RDH12: variants seen among roughly 807,000 people sequenced by gnomAD.
RDH12 encodes the protein all-trans and 9-cis retinol dehydrogenase.
In RDH12, 21 loss-of-function variants were observed where a neutral mutation model predicts 34.0. The ratio of observed to expected loss-of-function variants is 0.62; its 90% CI spans 0.44 to 0.89. RDH12 has a LOEUF of 0.89. RDH12 is among the 40% of genes least tolerant of loss of function. RDH12 has a pLI of 0.00. For missense variants in RDH12, 394 were observed against 398.6 expected, an observed-to-expected ratio of 0.99 and a Z score of 0.10; for synonymous variants, 198 against 169.9, an observed-to-expected ratio of 1.17 and a Z score of -1.29.
chr14:67,717,473 G>C (rs910271406), intron 1 of RDH12, among the ~76,000 whole-genome samples: 1 of 152,226 alleles, frequency 6.6e-6, no homozygotes, highest in African/African-American at 2.4e-5. Flanking sequence ...AAGCAGGTTA[G>C]CTTGGCTACA....
rs185066610 is a variant in RDH12, at chr14:67,706,491, A to T, written c.-275+4556A>T. Among the ~76,000 whole-genome samples the T allele has an allele frequency of 9.5e-4, 145 of 152,352 alleles. 1 individual carries two copies. The highest frequency in any genetic ancestry group is 3.3e-3 in the African/African-American group (138 of 41,596). ...CACGGGACATCAATCAACATATGGA[A>T]AATGAACATCGGTTTGGTCTGGAAA... On this transcript the variant is annotated intron_variant, in intron 1 of 8. Transcript: ENST00000551171.
At position 67,722,655 on chromosome 14, in the gene RDH12, T is replaced by C. The variant is rs1240074757; in HGVS notation, c.13T>C (p.Leu5=). Residue 5 remains leucine (L), a synonymous_variant, in exon 3 of 9, where the codon TTG becomes CTG. Transcript: ENST00000551171. MLVT[L]GLLTSFFSFL... The stretch of plus-strand genomic sequence containing the variant: ...AGAAGTTGGAACGATGCTGGTCACC[T>C]TGGGACTGCTCACCTCCTTCTTCTC... 1 of 1,613,912 alleles carries C rather than the reference T, an allele frequency of 6.2e-7. No individual in the cohort carries two copies. Among genetic ancestry groups the C allele is most frequent in the South Asian group, 1.1e-5 (1 of 91,072 alleles).
intron 8 of RDH12, among the ~76,000 whole-genome samples, chr14:67,731,591 A>C (rs1180464028): frequency 1.3e-5 from 2 of 151,970 alleles, no homozygotes; most frequent in South Asian, 2.1e-4. Flanking sequence ...ATATGTAATA[A>C]AATATACAGT....
chr14:67,726,053 G>A lies in RDH12; in HGVS notation c.346G>A (p.Glu116Lys). The A allele has an allele frequency of 6.2e-7, 1 of 1,611,840 alleles. No homozygotes were observed. Among genetic ancestry groups the A allele is most frequent in the Non-Finnish European group, 8.5e-7 (1 of 1,177,978 alleles). Reference sequence around the variant, plus strand: ...ATCTCTTTGGTTGTGCCCTATAGAGGAAAAGCAGCTCCATATTCTGATCAA... The same window carrying A: ...ATCTCTTTGGTTGTGCCCTATAGAGAAAAAGCAGCTCCATATTCTGATCAA... Reference protein sequence around the residue: ...RAFAEGFLAEEKQLHILINNA... With the variant: ...RAFAEGFLAEKKQLHILINNA... The change falls in exon 6 of 9, where the codon GAA becomes AAA. Residue 116 changes from glutamate to lysine, a missense_variant and splice_region_variant. Transcript: ENST00000551171.
At chr14:67,712,765 G>T (rs570298629) in intron 1 of RDH12, among the ~76,000 whole-genome samples, 3 of 152,308 alleles carry the variant, frequency 2.0e-5, no homozygotes, top group Admixed American at 6.5e-5. Context: ...GGGAAAAAAA[G>T]AAGGCAGAAC....
Position 67,729,463 on chromosome 14 carries a change from T to C in RDH12, c.848+83T>C, listed in dbSNP as rs1052620582. ...CGCTGGGCTGTTCATCCTGAGAAGCTGAGTTTGTGCCTGATGATGCAATCC... is the reference window on the plus strand; with the variant it reads ...CGCTGGGCTGTTCATCCTGAGAAGCCGAGTTTGTGCCTGATGATGCAATCC... On this transcript the variant is annotated intron_variant, in intron 8 of 8. Coordinates refer to ENST00000551171, the MANE Select transcript of RDH12 (RefSeq NM_152443.3). The C allele has an allele frequency of 2.2e-6, 3 of 1,387,396 alleles. No homozygotes were observed. The African/African-American group carries it at 4.2e-5, about 20-fold the overall frequency. The allele number at this position is 1,387,396 out of a possible 1,614,324, so 85.9% of individuals were successfully genotyped here. A position where few individuals can be genotyped will look rare whatever the true frequency, so the allele number is the denominator to read the frequency against.
At position 67,726,590 on chromosome 14, in the gene RDH12, C is replaced by A. The variant is rs572137884; in HGVS notation, c.449-391C>A. On this transcript the variant is annotated intron_variant, in intron 6 of 8. Coordinates refer to ENST00000551171, the MANE Select transcript of RDH12 (RefSeq NM_152443.3). ...TGGGGTTCAGCGTTCAAGGCAAAGA[C>A]TTTAGGGAGGAGAGCATGGAGCATG... is the stretch of plus-strand genomic sequence containing the variant. Among the ~76,000 whole-genome samples, 4 of 152,222 alleles carry A rather than the reference C, an allele frequency of 2.6e-5. No homozygotes were observed. In the South Asian group the frequency reaches 8.3e-4, roughly 32 times the overall value.
intron 1 of RDH12, among the ~76,000 whole-genome samples, chr14:67,715,377 T>G (rs1276915854): frequency 6.6e-6 from 1 of 152,212 alleles, no homozygotes. Flanking sequence ...AAACAGAAAA[T>G]AGCAAAACAT....
rs2038323868 is a variant in RDH12, at chr14:67,734,163, C to A, written c.*315C>A. The stretch of plus-strand genomic sequence containing the variant: ...GGCAGAAGAGCCCGAGAAATTGGGT[C>A]AGTTCCCTCATCAGCACCAGAGGCT... On this transcript the variant is annotated 3_prime_UTR_variant, in exon 9 of 9. Coordinates refer to ENST00000551171, the MANE Select transcript of RDH12 (RefSeq NM_152443.3). 2 of 326,928 alleles carry A rather than the reference C, an allele frequency of 6.1e-6. No individual in the cohort carries two copies. The highest frequency in any genetic ancestry group is 4.3e-5 in the African/African-American group (2 of 46,650). The allele number at this position is 326,928 out of a possible 1,614,324, so 20.3% of individuals were successfully genotyped here. A position where few individuals can be genotyped will look rare whatever the true frequency, so the allele number is the denominator to read the frequency against.
chr14:67,714,085 T>C (rs2038041043), intron 1 of RDH12, among the ~76,000 whole-genome samples: 1 of 152,170 alleles, frequency 6.6e-6, no homozygotes, highest in Admixed American at 6.5e-5. Flanking sequence ...CAGTAGCAAC[T>C]ATTAGATTTA....
intron 7 of RDH12, 90 bp from the exon 8 acceptor site, chr14:67,729,101 C>A: frequency 7.5e-7 from 1 of 1,336,708 alleles, no homozygotes; most frequent in South Asian, 1.2e-5. Flanking sequence ...TGAGTCCCTC[C>A]TTCTCACTTG....
intron 1 of RDH12, among the ~76,000 whole-genome samples, chr14:67,703,583 G>A (rs1474410581): frequency 1.3e-5 from 2 of 152,114 alleles, no homozygotes; most frequent in Non-Finnish European, 2.9e-5. Context: ...GTTCTGGGTG[G>A]ACCACTTGAG....
chr14:67,712,051 T>G (rs1056833603), intron 1 of RDH12, among the ~76,000 whole-genome samples: 2 of 152,040 alleles, frequency 1.3e-5, no homozygotes, highest in East Asian at 3.9e-4. Context: ...CCCTGAGTAG[T>G]TGGGATTACA....
intron 8 of RDH12, among the ~76,000 whole-genome samples, chr14:67,733,262 T>C (rs2038309487): frequency 6.6e-6 from 1 of 152,178 alleles, no homozygotes; most frequent in Admixed American, 6.5e-5. Context: ...GGTATGCAAG[T>C]GCATCTGTCC....
intron 1 of RDH12, among the ~76,000 whole-genome samples, chr14:67,708,766 C>T (rs199747917): frequency 2.7e-5 from 4 of 150,822 alleles, no homozygotes; most frequent in East Asian, 3.9e-4. Flanking sequence ...ATGTCATTTT[C>T]GGACTCTAGG....
chr14:67,715,727 G>C (rs2038061221), intron 1 of RDH12, among the ~76,000 whole-genome samples: 1 of 152,168 alleles, frequency 6.6e-6, no homozygotes, highest in Non-Finnish European at 1.5e-5. Context: ...TACTCACGAA[G>C]TTGCAAATAA....
At chr14:67,714,230 G>A (rs567475636) in intron 1 of RDH12, among the ~76,000 whole-genome samples, 37 of 152,256 alleles carry the variant, frequency 2.4e-4, no homozygotes, top group African/African-American at 8.9e-4. Flanking sequence ...CCACCTTCAG[G>A]GCTCAAGTTC....
At chr14:67,724,420 A>C in intron 3 of RDH12, 53 bp from the exon 4 acceptor site, 1 of 929,358 alleles carries the variant, frequency 1.1e-6, no homozygotes, top group Non-Finnish European at 1.7e-6. Context: ...AACGTATCTT[A>C]GTGTGAGCTC....
intron 4 of RDH12, 57 bp downstream of exon 4, chr14:67,724,648 G>A: frequency 7.6e-7 from 1 of 1,308,534 alleles, no homozygotes; most frequent in Non-Finnish European, 1.1e-6. Flanking sequence ...TCTTCCCACT[G>A]GGGCCTCTGT....
Sources: gnomAD v4.1 joint callset for allele counts (sites outside exome capture counted in the v4.1 genomes callset) on GRCh38, gnomAD v4.1.1 for gene constraint, MANE v1.5 for transcripts, NCBI Gene and HGNC (gene_info 2026-07-23, HGNC 2026-07-21) for gene names.